ZNF462: variants seen among roughly 807,000 people sequenced by gnomAD.
ZNF462 encodes zinc finger PBX1-interacting protein.
In ZNF462, 10 loss-of-function variants were observed where a neutral mutation model predicts 201.9. The observed-to-expected ratio is 0.05, with a 90% CI of 0.03 to 0.08. ZNF462 has a LOEUF of 0.08. Among genes scored for constraint, ZNF462 ranks in the 10% least tolerant of loss-of-function variants. The pLI, the probability that ZNF462 is intolerant of heterozygous loss-of-function variation, is 1.00. For synonymous variants in ZNF462, 1,227 were observed against 1,193.3 expected (o/e 1.03, Z -0.58); for missense variants, 2,523 against 3,168.3 (o/e 0.80, Z 4.89).
At chr9:106,896,730 T>C (rs973927777) in intron 1 of ZNF462, among the ~76,000 whole-genome samples, 1 of 152,240 alleles carries the variant, frequency 6.6e-6, no homozygotes, top group South Asian at 2.1e-4. Context: ...TATGTGTTTC[T>C]GCTAAACCTT....
Position 106,984,147 on chromosome 9 carries a change from G to C in ZNF462, c.6833-39G>C. 1 of 1,574,922 alleles carries C rather than the reference G, an allele frequency of 6.3e-7. No individual in the cohort carries two copies. The highest frequency in any genetic ancestry group is 8.7e-7 in the Non-Finnish European group (1 of 1,154,408). ...AGAAAGAACTTCTGTTTTGCCATCA[G>C]TAAAAATTCCCATCTTTCCATTCAA... On this transcript the variant is annotated intron_variant, in intron 9 of 12. Transcript: ENST00000277225. The surrounding 1 kb of genome is among the most constrained non-coding windows in gnomAD (Gnocchi z 6.4).
chr9:106,987,018 TAGATAG>T (rs1827896560), intron 10 of ZNF462, among the ~76,000 whole-genome samples: 2 of 148,888 alleles, frequency 1.3e-5, no homozygotes, highest in Non-Finnish European at 3.0e-5. Context: ...GATAGATAGA[TAGATAG>T]ATAGATAGAT....
Position 106,895,632 on chromosome 9 carries a change from G to T in ZNF462, c.-30-27722G>T, listed in dbSNP as rs138804854. On this transcript the variant is annotated intron_variant, in intron 1 of 12. Coordinates refer to ENST00000277225, the MANE Select transcript of ZNF462 (RefSeq NM_021224.6). This position sits in a 1 kb window ranked among gnomAD's most constrained non-coding sequence, Gnocchi z 4.4. ...ACATTTGAAACTGGATAGATCTTAC[G>T]TTATTTAATCCCTATGAAATGGATA... 3.3e-5 allele frequency among the ~76,000 whole-genome samples: 5 copies of T among 152,316 alleles called. No homozygotes were observed. The highest frequency in any genetic ancestry group is 7.4e-5 in the Non-Finnish European group (5 of 68,020).
At chr9:106,914,591 GTTCC>G (rs1396757967) in intron 1 of ZNF462, among the ~76,000 whole-genome samples, 2 of 152,198 alleles carry the variant, frequency 1.3e-5, no homozygotes, top group African/African-American at 4.8e-5. Flanking sequence ...TCATTCATTT[GTTCC>G]TTCCTTCATT....
At chr9:106,947,177 A>G (rs1011216457) in intron 7 of ZNF462, among the ~76,000 whole-genome samples, 1 of 152,196 alleles carries the variant, frequency 6.6e-6, no homozygotes, top group African/African-American at 2.4e-5. Context: ...CTTTGCAAAC[A>G]GTTTCCGAGT....
At position 106,984,354 on chromosome 9, in the gene ZNF462, A is replaced by G; in HGVS notation, c.7001A>G (p.Tyr2334Cys). The G allele has an allele frequency of 6.2e-7, 1 of 1,614,104 alleles. No homozygotes were observed. The highest frequency in any genetic ancestry group is 8.5e-7 in the Non-Finnish European group (1 of 1,179,994). Reference protein sequence around the residue: ...ELKPYKCQLCYYETKHTEELD... With the variant: ...ELKPYKCQLCCYETKHTEELD... ...AAACCTTACAAATGCCAGCTCTGCT[A>G]CTATGAGACCAAGCACACGGAGGAA... The change falls in exon 10 of 13, where the codon TAC (tyrosine) becomes TGC (cysteine). Residue 2334 changes from tyrosine (Y) to cysteine (C), a missense_variant. Transcript: ENST00000277225. The surrounding 1 kb of genome is among the most constrained non-coding windows in gnomAD (Gnocchi z 6.4).
chr9:106,907,536 C>T (rs1209052464), intron 1 of ZNF462, among the ~76,000 whole-genome samples: 1 of 151,946 alleles, frequency 6.6e-6, no homozygotes, highest in African/African-American at 2.4e-5. Flanking sequence ...AATTATAATA[C>T]ATTTTCCTTT....
In ZNF462 at chr9:106,924,439, G is replaced by T. The variant is rs780679668; in HGVS notation, c.527G>T (p.Arg176Ile). ...ACATACAAGTCACCAAGAAGGGCAA[G>T]AATAATTAAGCATCAGAAGATGTAT... ...FCTYKSPRRARIIKHQKMYHK... is the reference protein window; with the variant it reads ...FCTYKSPRRAIIIKHQKMYHK... Residue 176 changes from arginine (R) to isoleucine (I), a missense_variant, in exon 3 of 13, where the codon AGA becomes ATA. This residue lies in a region of ZNF462 where 480 missense variants were observed against 544.4 expected (regional missense o/e 0.88). Transcript: ENST00000277225. The surrounding 1 kb of genome is among the most constrained non-coding windows in gnomAD (Gnocchi z 6.2). 6.2e-7 allele frequency: 1 copy of T among 1,614,162 alleles called. No homozygotes were observed. Among genetic ancestry groups the T allele is most frequent in the South Asian group, 1.1e-5 (1 of 91,070 alleles).
In ZNF462 at chr9:106,919,987, T is replaced by C. The variant is rs1257878867; in HGVS notation, c.-30-3367T>C. On this transcript the variant is annotated intron_variant, in intron 1 of 12. Coordinates refer to ENST00000277225, the MANE Select transcript of ZNF462 (RefSeq NM_021224.6). This position sits in a 1 kb window ranked among gnomAD's most constrained non-coding sequence, Gnocchi z 4.5. ...TTTGGTGAGAAAAAATATTGCTAAT[T>C]TCATAATCATAGTATTATTAAATGA... 6.6e-6 allele frequency among the ~76,000 whole-genome samples: 1 copy of C among 152,232 alleles called. No individual in the cohort carries two copies. The highest frequency in any genetic ancestry group is 2.4e-5 in the African/African-American group (1 of 41,444).
intron 1 of ZNF462, among the ~76,000 whole-genome samples, chr9:106,918,250 T>C (rs1829858645): frequency 6.6e-6 from 1 of 152,200 alleles, no homozygotes; most frequent in East Asian, 1.9e-4. Flanking sequence ...AAGAACTGAT[T>C]CTGCCCCCAG....
intron 10 of ZNF462, among the ~76,000 whole-genome samples, chr9:107,002,121 T>C (rs1829231658): frequency 6.6e-6 from 1 of 152,190 alleles, no homozygotes; most frequent in Non-Finnish European, 1.5e-5. Context: ...AAAGACTATT[T>C]TGGAATTGTC....
chr9:106,966,087 A>G lies in ZNF462; in HGVS notation c.6428-5918A>G, dbSNP rs906814488. ...CAATATCTTAAGTTATCCACAGATA[A>G]TATTCTGTTTCTAATGGCCCATGCT... On this transcript the variant is annotated intron_variant, in intron 7 of 12. Transcript: ENST00000277225. This position sits in a 1 kb window ranked among gnomAD's most constrained non-coding sequence, Gnocchi z 4.4. Among the ~76,000 whole-genome samples, 3 of 152,054 alleles carry G rather than the reference A, an allele frequency of 2.0e-5. No homozygotes were observed. The highest frequency in any genetic ancestry group is 7.2e-5 in the African/African-American group (3 of 41,414).
Position 106,906,102 on chromosome 9 carries a change from G to C in ZNF462, c.-30-17252G>C, listed in dbSNP as rs556777341. ...TTCCTCTACCCCTGTATTTCACTTGGCTCTCTAACTTGACTCAGCTCCAGG... is the reference window on the plus strand; with the variant it reads ...TTCCTCTACCCCTGTATTTCACTTGCCTCTCTAACTTGACTCAGCTCCAGG... On this transcript the variant is annotated intron_variant, in intron 1 of 12. Transcript: ENST00000277225. 2.6e-5 allele frequency among the ~76,000 whole-genome samples: 4 copies of C among 152,296 alleles called. No individual in the cohort carries two copies. In the South Asian group the frequency reaches 8.3e-4, roughly 32 times the overall value.
At chr9:106,887,709 C>T (rs1213507717) in intron 1 of ZNF462, among the ~76,000 whole-genome samples, 1 of 152,146 alleles carries the variant, frequency 6.6e-6, no homozygotes, top group Non-Finnish European at 1.5e-5. Flanking sequence ...GACAAATGAA[C>T]TGTTTATTGT....
intron 7 of ZNF462, among the ~76,000 whole-genome samples, chr9:106,939,366 T>C (rs539696083): frequency 4.6e-5 from 7 of 152,172 alleles, no homozygotes; most frequent in Admixed American, 1.3e-4. Flanking sequence ...GCCTGTCAAG[T>C]GGGATGGATT....
At chr9:106,946,696 T>C (rs541277189) in intron 7 of ZNF462, among the ~76,000 whole-genome samples, 1 of 151,934 alleles carries the variant, frequency 6.6e-6, no homozygotes, top group East Asian at 1.9e-4. Context: ...AGCCCCGGTG[T>C]TGTGGCTCGT....
intron 10 of ZNF462, among the ~76,000 whole-genome samples, chr9:106,989,062 TTCCAGTACTA>T (rs1483485066): frequency 6.6e-6 from 1 of 152,172 alleles, no homozygotes; most frequent in Non-Finnish European, 1.5e-5. Flanking sequence ...TGGCAAGGAC[TTCCAGTACTA>T]TGTTGAAGAG....
chr9:106,900,546 C>T (rs1829022700), intron 1 of ZNF462, among the ~76,000 whole-genome samples: 1 of 152,148 alleles, frequency 6.6e-6, no homozygotes, highest in African/African-American at 2.4e-5. Flanking sequence ...TCCATGCCAA[C>T]ATCTACTGTT....
At chr9:106,903,175 A>AT (rs1048163320) in intron 1 of ZNF462, among the ~76,000 whole-genome samples, 59 of 152,132 alleles carry the variant, frequency 3.9e-4, no homozygotes, top group African/African-American at 1.3e-3. Context: ...TCTTGATGTC[A>AT]TTTTTGACCC....
Sources: gnomAD v4.1 joint callset for allele counts (sites outside exome capture counted in the v4.1 genomes callset) on GRCh38, gnomAD v4.1.1 for gene constraint, gnomAD v4.1.1 regional missense constraint, Gnocchi (gnomAD v3.1) non-coding constraint, MANE v1.5 for transcripts, NCBI Gene and HGNC (gene_info 2026-07-23, HGNC 2026-07-21) for gene names.